ST8SIA5: variants seen among roughly 807,000 people sequenced by gnomAD.
The protein encoded by ST8SIA5 is ST8 alpha-N-acetyl-neuraminide alpha-2,8-sialyltransferase 5.
ST8SIA5 carries 24 observed loss-of-function variants against 40.2 expected under a neutral mutation model. The observed-to-expected ratio is 0.60, with a 90% CI of 0.43 to 0.84. The LOEUF (loss-of-function observed/expected upper bound fraction) is 0.84. Ranked by LOEUF, ST8SIA5 falls within the 40% of genes least tolerant of loss-of-function variation. ST8SIA5 has a pLI of 0.00. For missense variants in ST8SIA5, 465 were observed against 498.5 expected, an observed-to-expected ratio of 0.93 and a Z score of 0.64; for synonymous variants, 198 against 201.8, an observed-to-expected ratio of 0.98 and a Z score of 0.16.
chr18:46,719,269 C>T (rs574484751), intron 1 of ST8SIA5, among the ~76,000 whole-genome samples: 2 of 152,256 alleles, frequency 1.3e-5, no homozygotes, highest in East Asian at 1.9e-4. Flanking sequence ...GTGTCTCTGA[C>T]CCTGCAGGCT....
intron 5 of ST8SIA5, chr18:46,685,848 G>GGAAA (rs1237805005): frequency 6.3e-6 from 2 of 316,944 alleles, no homozygotes; most frequent in African/African-American, 2.1e-5. Context: ...CTTCTGGAAG[G>GGAAA]GCAGCACCCA....
intron 1 of ST8SIA5, among the ~76,000 whole-genome samples, chr18:46,748,872 C>T (rs1399193761): frequency 1.3e-5 from 2 of 152,148 alleles, no homozygotes; most frequent in African/African-American, 2.4e-5. Context: ...ACCATATAAC[C>T]AGTTCTACTC....
chr18:46,675,018 G>C lies in ST8SIA5; in HGVS notation c.*5024C>G, dbSNP rs1024388124. 1.3e-5 allele frequency: 2 copies of C among 152,154 alleles called. No individual in the cohort carries two copies. The highest frequency in any genetic ancestry group is 2.9e-5 in the Non-Finnish European group (2 of 68,050). The allele number at this position is 152,154 out of a possible 1,614,324, so 9.4% of individuals were successfully genotyped here. A position where few individuals can be genotyped will look rare whatever the true frequency, so the allele number is the denominator to read the frequency against. On this transcript the variant is annotated 3_prime_UTR_variant, in exon 7 of 7. Transcript: ENST00000315087. ...AGTTTATGATACAGGTAGGCAATGG[G>C]CCCCACAAAAGGTATTTTTGGAAGG... is the stretch of plus-strand genomic sequence containing the variant.
At chr18:46,718,565 G>A (rs2039818347) in intron 1 of ST8SIA5, among the ~76,000 whole-genome samples, 1 of 152,000 alleles carries the variant, frequency 6.6e-6, no homozygotes, top group Admixed American at 6.6e-5. Context: ...AATTTGCTTT[G>A]TAGTGCTGTT....
intron 1 of ST8SIA5, among the ~76,000 whole-genome samples, chr18:46,719,809 T>A (rs2039841721): frequency 1.1e-5 from 1 of 90,324 alleles, no homozygotes; most frequent in African/African-American, 3.6e-5. Context: ...TCTCTCTTCT[T>A]TCCTTCCTTT....
In ST8SIA5 at chr18:46,675,450, G is replaced by T. The variant is rs1490400274; in HGVS notation, c.*4592C>A. ...TCAGATTGTTCTTTTAACTATACCA[G>T]TTGAGGACATGTTGAGGTCTGAGAT... On this transcript the variant is annotated 3_prime_UTR_variant, in exon 7 of 7. Coordinates refer to ENST00000315087, the MANE Select transcript of ST8SIA5 (RefSeq NM_013305.6). 6.6e-6 allele frequency: 1 copy of T among 152,194 alleles called. No homozygotes were observed. Among genetic ancestry groups the T allele is most frequent in the African/African-American group, 2.4e-5 (1 of 41,442 alleles). The allele number at this position is 152,194 out of a possible 1,614,324, so 9.4% of individuals were successfully genotyped here. A position where few individuals can be genotyped will look rare whatever the true frequency, so the allele number is the denominator to read the frequency against.
rs950078114 is a variant in ST8SIA5 at position 46,752,453 on chromosome 18, G to A, written c.131+3925C>T. On this transcript the variant is annotated intron_variant, in intron 1 of 6. Transcript: ENST00000315087. ...AGAAGCCAAGAGCATCAAGGAGTACGTTCACAACTTTGTTTCTTGTCTTTT... is the reference window on the plus strand; with the variant it reads ...AGAAGCCAAGAGCATCAAGGAGTACATTCACAACTTTGTTTCTTGTCTTTT... Among the ~76,000 whole-genome samples, 17 of 152,252 alleles carry A rather than the reference G, an allele frequency of 1.1e-4. No individual in the cohort carries two copies. The South Asian group carries it at 1.2e-3, about 11-fold the overall frequency.
intron 1 of ST8SIA5, among the ~76,000 whole-genome samples, chr18:46,707,499 T>G (rs2039681324): frequency 1.3e-5 from 2 of 152,204 alleles, no homozygotes; most frequent in African/African-American, 4.8e-5. Flanking sequence ...TGGTTCCTCT[T>G]TCTCCTGCAT....
intron 5 of ST8SIA5, among the ~76,000 whole-genome samples, chr18:46,685,350 G>C (rs2039435502): frequency 6.6e-6 from 1 of 152,154 alleles, no homozygotes; most frequent in Non-Finnish European, 1.5e-5. Context: ...CTTCAATTCT[G>C]GACTCGACTA....
intron 1 of ST8SIA5, among the ~76,000 whole-genome samples, chr18:46,718,700 C>T (rs2039819613): frequency 6.6e-6 from 1 of 152,068 alleles, no homozygotes; most frequent in East Asian, 1.9e-4. Flanking sequence ...TTTGGTACTT[C>T]CTGACTTCCT....
Position 46,756,172 on chromosome 18 carries a change from G to A in ST8SIA5, c.131+206C>T, listed in dbSNP as rs188647618. Among the ~76,000 whole-genome samples the A allele has an allele frequency of 3.7e-3, 562 of 152,262 alleles. 2 individuals are homozygous for A. The highest frequency in any genetic ancestry group is 0.013 in the African/African-American group (531 of 41,546). On this transcript the variant is annotated intron_variant, in intron 1 of 6. Coordinates refer to ENST00000315087, the MANE Select transcript of ST8SIA5 (RefSeq NM_013305.6). Reference sequence around the variant, plus strand: ...TTTCACAGCGGAACAAAGTTGTCTGGACCCTCCAGCCAGCGCTGGGCAGAA... The same window carrying A: ...TTTCACAGCGGAACAAAGTTGTCTGAACCCTCCAGCCAGCGCTGGGCAGAA...
At chr18:46,706,609 C>G (rs1451487611) in intron 1 of ST8SIA5, among the ~76,000 whole-genome samples, 3 of 152,168 alleles carry the variant, frequency 2.0e-5, no homozygotes, top group Admixed American at 6.5e-5. Flanking sequence ...ATCTCAAACA[C>G]AGAGACAGTG....
At chr18:46,687,359 C>A (rs1054439358) in intron 4 of ST8SIA5, among the ~76,000 whole-genome samples, 1 of 152,222 alleles carries the variant, frequency 6.6e-6, no homozygotes, top group Non-Finnish European at 1.5e-5. Context: ...AGACTATGAA[C>A]TGCAAATCCT....
intron 1 of ST8SIA5, among the ~76,000 whole-genome samples, chr18:46,713,646 C>A (rs1456566956): frequency 2.6e-5 from 4 of 152,068 alleles, no homozygotes; most frequent in African/African-American, 9.7e-5. Flanking sequence ...GACACAGAGC[C>A]CAGGGACATG....
At position 46,688,793 on chromosome 18, in the gene ST8SIA5, G is replaced by T. The variant is rs746435370; in HGVS notation, c.438C>A (p.Ile146=). 6.2e-7 allele frequency: 1 copy of T among 1,613,658 alleles called. No homozygotes were observed. Among genetic ancestry groups the T allele is most frequent in the South Asian group, 1.1e-5 (1 of 90,982 alleles). Residue 146 remains isoleucine (I), a synonymous_variant, in exon 4 of 7, where the codon ATC becomes ATA. Coordinates refer to ENST00000315087, the MANE Select transcript of ST8SIA5 (RefSeq NM_013305.6). ...GCAGCACCTTGGGAAACATGCGGAA[G>T]ATCTCCTGGTTGATGTGGTAGATGC... is the stretch of plus-strand genomic sequence containing the variant. The part of the protein sequence containing the change: ...TSGIYHINQE[I]FRMFPKDMPY...
At chr18:46,725,418 T>C (rs1302136827) in intron 1 of ST8SIA5, among the ~76,000 whole-genome samples, 1 of 152,132 alleles carries the variant, frequency 6.6e-6, no homozygotes, top group African/African-American at 2.4e-5. Context: ...GTCATCCTCC[T>C]ACCCATGGTG....
chr18:46,707,979 A>T (rs2039686019), intron 1 of ST8SIA5, among the ~76,000 whole-genome samples: 1 of 152,216 alleles, frequency 6.6e-6, no homozygotes, highest in South Asian at 2.1e-4. Context: ...TGACAGCCAC[A>T]TTAGGCCTGG....
chr18:46,703,931 T>C (rs1461943853), intron 2 of ST8SIA5, among the ~76,000 whole-genome samples: 1 of 152,208 alleles, frequency 6.6e-6, no homozygotes, highest in Non-Finnish European at 1.5e-5. Flanking sequence ...AAAAGAGCTA[T>C]AGGTGATGCA....
At chr18:46,709,951 G>A (rs2039706498) in intron 1 of ST8SIA5, among the ~76,000 whole-genome samples, 1 of 152,094 alleles carries the variant, frequency 6.6e-6, no homozygotes, top group Admixed American at 6.5e-5. Context: ...AAGATTGAGG[G>A]AAGCACTTTC....
Sources: allele counts gnomAD v4.1 joint callset (sites outside exome capture counted in the v4.1 genomes callset), GRCh38; gene constraint gnomAD v4.1.1; transcripts MANE v1.5; gene names NCBI Gene and HGNC (gene_info 2026-07-23, HGNC 2026-07-21).